SLC41A2: variants seen among roughly 807,000 people sequenced by gnomAD.
The protein encoded by SLC41A2 is solute carrier family 41 member 2, also known as SLC41A1-like 1.
A neutral mutation model predicts 58.3 loss-of-function variants in SLC41A2; 32 were observed. The ratio of observed to expected loss-of-function variants is 0.55; its 90% CI spans 0.41 to 0.74. The LOEUF (loss-of-function observed/expected upper bound fraction) is 0.74, where lower values mean the gene tolerates loss of function less well. Ranked by LOEUF, SLC41A2 falls within the 30% of genes least tolerant of loss-of-function variation. The pLI is 0.00. For synonymous variants in SLC41A2, 190 were observed against 235.0 expected (o/e 0.81, Z 1.75); for missense variants, 514 against 680.6 (o/e 0.76, Z 2.72).
intron 1 of SLC41A2, among the ~76,000 whole-genome samples, chr12:104,940,360 G>A (rs1257758444): frequency 6.8e-6 from 1 of 146,692 alleles, no homozygotes; most frequent in Non-Finnish European, 1.5e-5. Flanking sequence ...CTGGGGGGGA[G>A]GGGGGAGGGA....
At chr12:104,929,350 G>C (rs757496453) in intron 1 of SLC41A2, among the ~76,000 whole-genome samples, 2 of 152,068 alleles carry the variant, frequency 1.3e-5, no homozygotes, top group Admixed American at 1.3e-4. Flanking sequence ...TTTCATTTAG[G>C]AATAACAAAA....
intron 1 of SLC41A2, among the ~76,000 whole-genome samples, chr12:104,937,319 A>G (rs558147502): frequency 6.6e-6 from 1 of 152,284 alleles, no homozygotes; most frequent in South Asian, 2.1e-4. Flanking sequence ...TGAAAACTCC[A>G]TTCATGGTAA....
At chr12:104,931,024 T>A (rs1410364409) in intron 1 of SLC41A2, among the ~76,000 whole-genome samples, 2 of 152,142 alleles carry the variant, frequency 1.3e-5, no homozygotes, top group Non-Finnish European at 2.9e-5. Flanking sequence ...ACAGAGACCA[T>A]CCAAATGTGT....
intron 2 of SLC41A2, among the ~76,000 whole-genome samples, chr12:104,917,827 G>A (rs916268153): frequency 1.7e-4 from 2 of 11,524 alleles, no homozygotes; most frequent in Admixed American, 8.2e-4. Flanking sequence ...GTTGTGGGGT[G>A]GGGGGAGGGG....
chr12:104,839,844 T>C (rs530677760), intron 10 of SLC41A2, among the ~76,000 whole-genome samples: 49 of 152,312 alleles, frequency 3.2e-4, no homozygotes, highest in African/African-American at 1.1e-3. Flanking sequence ...TTGCCTCTTA[T>C]AGGATGTGTC....
chr12:104,925,953 C>T (rs544177141), intron 2 of SLC41A2, among the ~76,000 whole-genome samples: 2 of 152,300 alleles, frequency 1.3e-5, no homozygotes, highest in Admixed American at 1.3e-4. Flanking sequence ...TTTGCTCTCT[C>T]TTTGGTATTA....
chr12:104,851,575 A>C (rs2042801985), intron 8 of SLC41A2, among the ~76,000 whole-genome samples: 1 of 151,910 alleles, frequency 6.6e-6, no homozygotes, highest in Non-Finnish European at 1.5e-5. Context: ...TTTTTTAGAG[A>C]TGGGGTCTCA....
chr12:104,940,240 G>A (rs567046974), intron 1 of SLC41A2, among the ~76,000 whole-genome samples: 174 of 151,822 alleles, frequency 1.1e-3, no homozygotes, highest in African/African-American at 4.1e-3. Flanking sequence ...TTGAACTCCC[G>A]ACCCCAGGTG....
At chr12:104,852,332 T>C (rs753543155) in intron 8 of SLC41A2, among the ~76,000 whole-genome samples, 29 of 152,200 alleles carry the variant, frequency 1.9e-4, no homozygotes, top group Non-Finnish European at 2.9e-4. Flanking sequence ...CTATGTGGTA[T>C]TTTATTGGAT....
chr12:104,922,724 A>G (rs1789555321), intron 2 of SLC41A2, among the ~76,000 whole-genome samples: 1 of 152,208 alleles, frequency 6.6e-6, no homozygotes, highest in African/African-American at 2.4e-5. Flanking sequence ...TACAGAAGAT[A>G]CATTCTTTTC....
At chr12:104,870,813 T>A (rs1339327735) in intron 6 of SLC41A2, among the ~76,000 whole-genome samples, 1 of 152,222 alleles carries the variant, frequency 6.6e-6, no homozygotes, top group East Asian at 1.9e-4. Flanking sequence ...TTTTATGTAT[T>A]AGCTGTTTCT....
At chr12:104,908,650 C>A (rs1008756966) in intron 3 of SLC41A2, among the ~76,000 whole-genome samples, 1 of 152,188 alleles carries the variant, frequency 6.6e-6, no homozygotes, top group African/African-American at 2.4e-5. Context: ...TCACTAGCTA[C>A]GTGGTTTTAA....
chr12:104,849,049 A>G (rs908835943), intron 8 of SLC41A2, among the ~76,000 whole-genome samples: 1 of 152,196 alleles, frequency 6.6e-6, no homozygotes, highest in Admixed American at 6.5e-5. Flanking sequence ...CACTCATATC[A>G]TGCACAAAAA....
chr12:104,822,585 G>A (rs1226330482), intron 10 of SLC41A2, among the ~76,000 whole-genome samples: 1 of 152,062 alleles, frequency 6.6e-6, no homozygotes, highest in African/African-American at 2.4e-5. Flanking sequence ...TTTATGAGAA[G>A]AAACAAAACT....
At chr12:104,814,022 A>C (rs12300375) in intron 10 of SLC41A2, among the ~76,000 whole-genome samples, 6,652 of 152,290 alleles carry the variant, frequency 0.044, 272 homozygotes, top group African/African-American at 0.096. Context: ...GTATTTCGTA[A>C]AACTTTTAGC....
At chr12:104,923,945 T>C (rs909142482) in intron 2 of SLC41A2, among the ~76,000 whole-genome samples, 1 of 151,996 alleles carries the variant, frequency 6.6e-6, no homozygotes, top group Non-Finnish European at 1.5e-5. Flanking sequence ...ACGAGAGACA[T>C]AAAACACAAA....
chr12:104,819,104 T>G, intron 10 of SLC41A2, among the ~76,000 whole-genome samples: 1 of 151,918 alleles, frequency 6.6e-6, no homozygotes, highest in East Asian at 1.9e-4. Context: ...ATAGGTAATA[T>G]TCATAAAAAC....
At chr12:104,845,757 C>T in intron 9 of SLC41A2, 86 bp downstream of exon 9, 2 of 1,376,976 alleles carry the variant, frequency 1.5e-6, no homozygotes, top group South Asian at 3.4e-5. Context: ...TTTCACAAAA[C>T]ACATATTCAA....
In SLC41A2 at chr12:104,853,911, A is replaced by ATTATTATTTTTTTTTTTTTTT; in HGVS notation, c.1255+7379_1255+7380insAAAAAAAAAAAAAAATAATAA. 5.6e-3 allele frequency among the ~76,000 whole-genome samples: 332 copies of ATTATTATTTTTTTTTTTTTTT among 59,464 alleles called. 17 individuals are homozygous for ATTATTATTTTTTTTTTTTTTT. The highest frequency in any genetic ancestry group is 0.013 in the Admixed American group (62 of 4,646). 39.0% of individuals were successfully genotyped at this position (59,464 alleles called of 152,430 possible). On this transcript the variant is annotated intron_variant, in intron 8 of 10. Transcript: ENST00000258538. ...GGGTGCATGTCACCATGCCTGGCTG[A>ATTATTATTTTTTTTTTTTTTT]TTTTTTTTTTTTTTTTTTTTTTTTT...
Sources: gnomAD v4.1 joint callset for allele counts (sites outside exome capture counted in the v4.1 genomes callset) on GRCh38, gnomAD v4.1.1 for gene constraint, MANE v1.5 for transcripts, NCBI Gene and HGNC (gene_info 2026-07-23, HGNC 2026-07-21) for gene names.